Variants in TYW1 observed in about 807,000 individuals in gnomAD.
The protein encoded by TYW1 is S-adenosyl-L-methionine-dependent tRNA 4-demethylwyosine synthase TYW1.
TYW1 carries 46 observed loss-of-function variants against 96.2 expected under a neutral mutation model. The ratio of observed to expected loss-of-function variants is 0.48; its 90% confidence interval spans 0.38 to 0.61. The LOEUF is 0.61. Ranked by LOEUF, TYW1 falls within the 20% of genes least tolerant of loss-of-function variation. TYW1 has a pLI of 0.00. For missense variants in TYW1, 684 were observed against 909.6 expected, an observed-to-expected ratio of 0.75 and a Z score of 3.19; for synonymous variants, 274 against 323.0, an observed-to-expected ratio of 0.85 and a Z score of 1.63.
intron 13 of TYW1, among the ~76,000 whole-genome samples, chr7:67,139,296 G>C (rs942383048): frequency 1.2e-4 from 18 of 152,284 alleles, no homozygotes; most frequent in African/African-American, 2.9e-4. Context: ...AAGTGATCCA[G>C]TCACCTTGGC....
chr7:67,233,207 T>C (rs1483531794), intron 15 of TYW1, among the ~76,000 whole-genome samples: 2 of 127,320 alleles, frequency 1.6e-5, no homozygotes, highest in Non-Finnish European at 3.3e-5. Context: ...ATGTTATATA[T>C]CTTTTTTAAA....
chr7:67,228,378 T>A (rs1232371090), intron 15 of TYW1, among the ~76,000 whole-genome samples: 6 of 152,146 alleles, frequency 3.9e-5, no homozygotes, highest in Non-Finnish European at 7.3e-5. Flanking sequence ...TTATTCACTA[T>A]CTCAAGAACA....
intron 15 of TYW1, among the ~76,000 whole-genome samples, chr7:67,208,033 T>G (rs1800868918): frequency 6.6e-6 from 1 of 152,114 alleles, no homozygotes; most frequent in African/African-American, 2.4e-5. Flanking sequence ...CTTCACAAAT[T>G]TAAAATACCC....
At chr7:67,219,999 G>A (rs13228667) in intron 15 of TYW1, among the ~76,000 whole-genome samples, 38,769 of 148,574 alleles carry the variant, frequency 0.26, 5,391 homozygotes, top group African/African-American at 0.35. Context: ...TTAAAAATCA[G>A]TGTTTATAGC....
intron 9 of TYW1, among the ~76,000 whole-genome samples, chr7:67,063,970 A>G (rs1379342460): frequency 6.6e-6 from 1 of 152,232 alleles, no homozygotes; most frequent in Non-Finnish European, 1.5e-5. Context: ...CACTCCAACG[A>G]AAGTAATATG....
intron 7 of TYW1, among the ~76,000 whole-genome samples, chr7:67,029,779 C>T (rs1452974785): frequency 1.3e-5 from 2 of 152,156 alleles, no homozygotes; most frequent in Non-Finnish European, 2.9e-5. Flanking sequence ...CGGCTCACTG[C>T]AACCTTGAAC....
intron 13 of TYW1, among the ~76,000 whole-genome samples, chr7:67,140,990 G>A (rs1178207554): frequency 6.6e-6 from 1 of 152,138 alleles, no homozygotes; most frequent in Non-Finnish European, 1.5e-5. Context: ...TTTTAAAAAG[G>A]ACAACTGTCA....
intron 13 of TYW1, among the ~76,000 whole-genome samples, chr7:67,143,183 C>T (rs933958670): frequency 4.6e-5 from 7 of 152,018 alleles, no homozygotes; most frequent in East Asian, 1.9e-4. Flanking sequence ...TTGCTTTGTG[C>T]GTAGTATATT....
chr7:67,177,783 G>T (rs1236393755), intron 13 of TYW1, among the ~76,000 whole-genome samples: 1 of 152,014 alleles, frequency 6.6e-6, no homozygotes, highest in South Asian at 2.1e-4. Context: ...TGCTAAGGTC[G>T]AATGTATACA....
At chr7:67,021,866 AGAGTCTAGGACAAG>A (rs1794291153) in intron 6 of TYW1, among the ~76,000 whole-genome samples, 1 of 152,238 alleles carries the variant, frequency 6.6e-6, no homozygotes, top group African/African-American at 2.4e-5. Flanking sequence ...GTTATCAAGA[AGAGTCTAGGACAAG>A]GACCAGCAAA....
At chr7:67,226,432 G>C (rs1443171899) in intron 15 of TYW1, among the ~76,000 whole-genome samples, 6 of 152,036 alleles carry the variant, frequency 3.9e-5, no homozygotes, top group Non-Finnish European at 7.4e-5. Context: ...GGATCAGCTG[G>C]CACCACCCAG....
At chr7:67,024,110 G>A (rs1487301715) in intron 6 of TYW1, among the ~76,000 whole-genome samples, 1 of 152,106 alleles carries the variant, frequency 6.6e-6, no homozygotes, top group Admixed American at 6.6e-5. Context: ...GAGGGCAGGT[G>A]AAGTGTTAGT....
rs563625482 is a variant in TYW1 at position 67,048,247 on chromosome 7, C to T, written c.985-1702C>T. ...GTTTTAGTTTGAAGCAAATGTCAGA[C>T]CTCATCTGTGAGATATTCTCATGTT... is the stretch of plus-strand genomic sequence containing the variant. On this transcript the variant is annotated intron_variant, in intron 7 of 15. Coordinates refer to ENST00000359626, the MANE Select transcript of TYW1 (RefSeq NM_018264.4). 2.1e-3 allele frequency among the ~76,000 whole-genome samples: 309 copies of T among 150,556 alleles called. 2 individuals carry two copies. The highest frequency in any genetic ancestry group is 3.0e-3 in the South Asian group (14 of 4,712).
intron 13 of TYW1, among the ~76,000 whole-genome samples, chr7:67,176,000 C>T (rs1041154176): frequency 2.0e-5 from 3 of 152,180 alleles, no homozygotes; most frequent in African/African-American, 2.4e-5. Context: ...CATAAACAAT[C>T]CTTTCCAAAA....
At chr7:67,134,527 G>A (rs1002092014) in intron 13 of TYW1, among the ~76,000 whole-genome samples, 1 of 151,210 alleles carries the variant, frequency 6.6e-6, no homozygotes, top group East Asian at 1.9e-4. Flanking sequence ...AGGTGATAGA[G>A]CAAGACTTCA....
chr7:67,193,620 G>T (rs760640723), intron 14 of TYW1, among the ~76,000 whole-genome samples: 1 of 152,060 alleles, frequency 6.6e-6, no homozygotes, highest in African/African-American at 2.4e-5. Flanking sequence ...TTAGCTGGGC[G>T]TGGTGGCACG....
chr7:67,205,267 C>G (rs1800749758), intron 15 of TYW1, among the ~76,000 whole-genome samples: 2 of 151,884 alleles, frequency 1.3e-5, no homozygotes, highest in South Asian at 4.2e-4. Context: ...TTGTTACTGC[C>G]AAGTAGGGGC....
chr7:67,059,044 G>A (rs1238787605), intron 9 of TYW1, among the ~76,000 whole-genome samples: 2 of 133,128 alleles, frequency 1.5e-5, no homozygotes, highest in Non-Finnish European at 3.3e-5. Flanking sequence ...GGTACAGGAA[G>A]ACAGTATACT....
intron 7 of TYW1, among the ~76,000 whole-genome samples, chr7:67,028,285 C>T (rs1242249541): frequency 6.1e-5 from 9 of 148,422 alleles, no homozygotes; most frequent in Non-Finnish European, 8.9e-5. Flanking sequence ...CCGTGGCTCA[C>T]GCCTGTAATC....
Sources: gnomAD v4.1 joint callset for allele counts (sites outside exome capture counted in the v4.1 genomes callset) on GRCh38, gnomAD v4.1.1 for gene constraint, MANE v1.5 for transcripts, NCBI Gene and HGNC (gene_info 2026-07-23, HGNC 2026-07-21) for gene names.